The following WDR17 variants were observed in gnomAD, a reference collection of about 807,000 sequenced individuals.
WDR17 encodes WD repeat-containing protein 17.
Under a neutral mutation model 161.7 loss-of-function variants are expected in WDR17, and 143 were observed. The ratio of observed to expected loss-of-function variants is 0.88; its 90% CI spans 0.77 to 1.02. The LOEUF (loss-of-function observed/expected upper bound fraction) is 1.02, where lower values mean the gene tolerates loss of function less well. WDR17 is among the 50% of genes least tolerant of loss of function. The pLI is 0.00. For missense variants in WDR17, 1,469 were observed against 1,520.9 expected (o/e 0.97, Z 0.57); for synonymous variants, 517 against 515.6 (o/e 1.00, Z -0.04).
rs1055894847 is a variant in WDR17 at position 176,180,199 on chromosome 4, T to G, written c.*620T>G. On this transcript the variant is annotated 3_prime_UTR_variant, in exon 29 of 29. Transcript: ENST00000508596. ...TGTTACCAGTTTTTTTATCTGAAGT[T>G]TAACTGTCCCATTGTAAAGGTGTAA... The G allele has an allele frequency of 6.6e-6, 1 of 152,170 alleles. No individual in the cohort carries two copies. Among genetic ancestry groups the G allele is most frequent in the African/African-American group, 2.4e-5 (1 of 41,436 alleles). 9.4% of individuals were successfully genotyped at this position (152,170 alleles called of 1,614,324 possible).
intron 11 of WDR17, among the ~76,000 whole-genome samples, 175 bp downstream of exon 11, chr4:176,142,244 A>G (rs1745394663): frequency 6.6e-6 from 1 of 152,156 alleles, no homozygotes; most frequent in African/African-American, 2.4e-5. Flanking sequence ...AGTTATTTTT[A>G]TTCCATGAAG....
intron 10 of WDR17, 103 bp downstream of exon 10, chr4:176,140,077 A>G (rs1417191897): frequency 9.8e-6 from 9 of 914,868 alleles, no homozygotes; most frequent in Non-Finnish European, 1.3e-5. Context: ...GTACAGCTCT[A>G]CCAACTCTCA....
At chr4:176,120,247 T>C in intron 4 of WDR17, 150 bp downstream of exon 4, 1 of 511,426 alleles carries the variant, frequency 2.0e-6, no homozygotes, top group East Asian at 3.3e-5. Context: ...TGTTAAAATG[T>C]TACCCAGTAT....
chr4:176,161,294 T>G (rs1748998095), intron 20 of WDR17, among the ~76,000 whole-genome samples: 1 of 152,162 alleles, frequency 6.6e-6, no homozygotes, highest in South Asian at 2.1e-4. Flanking sequence ...ATCAAACCTA[T>G]TGGAGAGGAC....
rs573497323 is a variant in WDR17 at position 176,170,205 on chromosome 4, C to T, written c.3102+1422C>T. On this transcript the variant is annotated intron_variant, in intron 23 of 28. Coordinates refer to ENST00000508596, the MANE Select transcript of WDR17 (RefSeq NM_181265.4). ...ATTTTATTTATATCATTTAGGACAA[C>T]TTTAATAAGAAAACCACACTAGTAA... Among the ~76,000 whole-genome samples, 329 of 151,746 alleles carry T rather than the reference C, an allele frequency of 2.2e-3. 3 individuals carry two copies. Among genetic ancestry groups the T allele is most frequent in the African/African-American group, 7.6e-3 (316 of 41,388 alleles).
At chr4:176,169,890 A>G (rs1263103902) in intron 23 of WDR17, among the ~76,000 whole-genome samples, 1 of 152,048 alleles carries the variant, frequency 6.6e-6, no homozygotes, top group Non-Finnish European at 1.5e-5. Flanking sequence ...TCTGTGAATT[A>G]TTTTTTTTAA....
intron 1 of WDR17, among the ~76,000 whole-genome samples, chr4:176,079,684 C>A (rs1157209454): frequency 6.6e-6 from 1 of 151,968 alleles, no homozygotes; most frequent in African/African-American, 2.4e-5. Flanking sequence ...AAAAGAATAC[C>A]TGAAACTGGG....
At chr4:176,123,877 C>G (rs1742002024) in intron 4 of WDR17, among the ~76,000 whole-genome samples, 1 of 152,198 alleles carries the variant, frequency 6.6e-6, no homozygotes. Flanking sequence ...TCTAATCAAG[C>G]CTTGGTCTTT....
intron 17 of WDR17, among the ~76,000 whole-genome samples, chr4:176,155,645 A>G (rs1375389927): frequency 6.8e-6 from 1 of 146,154 alleles, no homozygotes; most frequent in Non-Finnish European, 1.5e-5. Flanking sequence ...CCTGGGCTCA[A>G]ACGATCCTGT....
Position 176,181,432 on chromosome 4 carries a change from A to C in WDR17, c.*1853A>C, listed in dbSNP as rs552768098. On this transcript the variant is annotated 3_prime_UTR_variant, in exon 29 of 29. Coordinates refer to ENST00000508596, the MANE Select transcript of WDR17 (RefSeq NM_181265.4). ...CAGTGAGCTGAGATCGCACTACTGC[A>C]CTCCAGCCTGGGCGACAGAGCAAGA... 7.1e-4 allele frequency: 143 copies of C among 200,672 alleles called. No homozygotes were observed. The highest frequency in any genetic ancestry group is 1.1e-3 in the Non-Finnish European group (118 of 102,942). 12.4% of individuals were successfully genotyped at this position (200,672 alleles called of 1,614,324 possible).
intron 1 of WDR17, among the ~76,000 whole-genome samples, chr4:176,068,068 A>G (rs1338740320): frequency 1.3e-5 from 2 of 152,214 alleles, no homozygotes; most frequent in East Asian, 3.8e-4. Flanking sequence ...CAAGAAAGGT[A>G]ACGCTTTATC....
rs549286081 is a variant in WDR17 at position 176,173,644 on chromosome 4, G to A, written c.3347+275G>A. On this transcript the variant is annotated intron_variant, in intron 25 of 28. Transcript: ENST00000508596. ...CCATTCTCCTGCCTCAGCCTCCCGC[G>A]TAGCTGGTACTACAGGCGCCCGCCA... 2.4e-3 allele frequency among the ~76,000 whole-genome samples: 365 copies of A among 152,132 alleles called. 2 individuals carry two copies. Among genetic ancestry groups the A allele is most frequent in the Non-Finnish European group, 3.7e-3 (251 of 68,012 alleles).
chr4:176,130,617 A>C (rs566871893), intron 6 of WDR17, among the ~76,000 whole-genome samples: 96 of 151,646 alleles, frequency 6.3e-4, no homozygotes, highest in Middle Eastern at 3.4e-3. Context: ...TGGTGGCAGG[A>C]GCCTGTAGTC....
intron 1 of WDR17, among the ~76,000 whole-genome samples, chr4:176,082,899 C>G (rs941989679): frequency 8.9e-5 from 13 of 146,888 alleles, no homozygotes; most frequent in African/African-American, 3.2e-4. Flanking sequence ...AATATACATA[C>G]TTTTGAAAAG....
At position 176,182,422 on chromosome 4, in the gene WDR17, T is replaced by C. The variant is rs1241914985; in HGVS notation, c.*2843T>C. The stretch of plus-strand genomic sequence containing the variant: ...GTGTGTGTGTATATATATATATATA[T>C]ATATATATTTCTATGAAATTGTCCA... On this transcript the variant is annotated 3_prime_UTR_variant, in exon 29 of 29. Coordinates refer to ENST00000508596, the MANE Select transcript of WDR17 (RefSeq NM_181265.4). The surrounding 1 kb of genome is among the most constrained non-coding windows in gnomAD (Gnocchi z 4.2). 5 of 151,216 alleles carry C rather than the reference T, an allele frequency of 3.3e-5. No homozygotes were observed. The highest frequency in any genetic ancestry group is 2.6e-4 in the Admixed American group (4 of 15,130). The allele number at this position is 151,216 out of a possible 1,614,324, so 9.4% of individuals were successfully genotyped here.
intron 16 of WDR17, 118 bp from the exon 17 acceptor site, chr4:176,151,694 T>A (rs1037611444): frequency 1.1e-6 from 1 of 895,704 alleles, no homozygotes; most frequent in African/African-American, 1.7e-5. Flanking sequence ...TTTTTGTGTG[T>A]TAGGAACATT....
At chr4:176,071,367 G>T (rs1733220897) in intron 1 of WDR17, among the ~76,000 whole-genome samples, 1 of 147,722 alleles carries the variant, frequency 6.8e-6, no homozygotes, top group East Asian at 2.0e-4. Flanking sequence ...CTGTCGCCCA[G>T]GCTGGAGTGC....
In WDR17 at chr4:176,169,961, G is replaced by T. The variant is rs557115822; in HGVS notation, c.3102+1178G>T. Reference sequence around the variant, plus strand: ...AGCTATTTTACATTGAAATTAAAATGCATATGAAAGAAAGTAGGAGTTTTT... The same window carrying T: ...AGCTATTTTACATTGAAATTAAAATTCATATGAAAGAAAGTAGGAGTTTTT... On this transcript the variant is annotated intron_variant, in intron 23 of 28. Coordinates refer to ENST00000508596, the MANE Select transcript of WDR17 (RefSeq NM_181265.4). Among the ~76,000 whole-genome samples the T allele has an allele frequency of 2.0e-5, 3 of 152,208 alleles. No homozygotes were observed. The South Asian group carries it at 6.2e-4, about 32-fold the overall frequency.
intron 17 of WDR17, among the ~76,000 whole-genome samples, chr4:176,155,126 A>G (rs1461142684): frequency 1.3e-5 from 2 of 152,146 alleles, no homozygotes; most frequent in African/African-American, 4.8e-5. Context: ...TTTGAACACC[A>G]TGGAACAAAT....
Sources: allele counts gnomAD v4.1 joint callset (sites outside exome capture counted in the v4.1 genomes callset), GRCh38; gene constraint gnomAD v4.1.1; non-coding constraint Gnocchi (gnomAD v3.1); transcripts MANE v1.5; gene names NCBI Gene and HGNC (gene_info 2026-07-23, HGNC 2026-07-21).